ASPH: variants seen among roughly 807,000 people sequenced by gnomAD.
ASPH encodes aspartate beta-hydroxylase.
ASPH carries 100 observed loss-of-function variants against 118.4 expected under a neutral mutation model. The ratio of observed to expected loss-of-function variants is 0.84; its 90% CI spans 0.72 to 1.00. ASPH has a LOEUF of 1.00. Among genes scored for constraint, ASPH ranks in the 50% least tolerant of loss-of-function variants. The probability of loss-of-function intolerance (pLI) is 0.00; values close to 1 mark genes in which losing one functional copy is unlikely to be tolerated. For missense variants in ASPH, 920 were observed against 919.5 expected (o/e 1.00, Z -0.01); for synonymous variants, 315 against 325.6 (o/e 0.97, Z 0.35).
At chr8:61,528,598 T>A (rs751416513) in intron 21 of ASPH, among the ~76,000 whole-genome samples, 1 of 25,968 alleles carries the variant, frequency 3.9e-5, no homozygotes, top group Admixed American at 5.3e-4. Flanking sequence ...AAACAGCTGA[T>A]CTTTTGTTAC....
intron 13 of ASPH, among the ~76,000 whole-genome samples, chr8:61,622,659 T>C (rs913158641): frequency 1.3e-5 from 2 of 152,310 alleles, no homozygotes; most frequent in African/African-American, 4.8e-5. Context: ...CTAACCATCT[T>C]CCTGCCTGCT....
At chr8:61,675,500 C>T (rs1395048256) in intron 3 of ASPH, 2 of 981,726 alleles carry the variant, frequency 2.0e-6, no homozygotes, top group Non-Finnish European at 2.4e-6. Context: ...TTTAAAAGCA[C>T]CATTAACACA....
At chr8:61,569,079 T>C (rs768985726) in intron 16 of ASPH, among the ~76,000 whole-genome samples, 6 of 152,154 alleles carry the variant, frequency 3.9e-5, no homozygotes, top group Non-Finnish European at 8.8e-5. Context: ...AGTCCATCTG[T>C]GCTAACAGGA....
In ASPH at chr8:61,567,037, A is replaced by C; in HGVS notation, c.1300+131T>G. The C allele has an allele frequency of 2.6e-6, 3 of 1,134,186 alleles. No homozygotes were observed. Among genetic ancestry groups the C allele is most frequent in the Non-Finnish European group, 2.4e-6 (2 of 820,116 alleles). The allele number at this position is 1,134,186 out of a possible 1,614,324, so 70.3% of individuals were successfully genotyped here. On this transcript the variant is annotated intron_variant, in intron 17 of 24. Transcript: ENST00000379454. ...GAGATGGTGAGCCTAGGACAGACACATTACTTGAAATCAGTTGTAAAACTC... is the reference window on the plus strand; with the variant it reads ...GAGATGGTGAGCCTAGGACAGACACCTTACTTGAAATCAGTTGTAAAACTC...
At chr8:61,637,827 T>C (rs1858535336) in intron 12 of ASPH, 120 bp downstream of exon 12, 2 of 914,218 alleles carry the variant, frequency 2.2e-6, no homozygotes, top group Non-Finnish European at 3.3e-6. Flanking sequence ...TTCTTCCCTC[T>C]TGTACTCCTA....
chr8:61,549,847 T>C (rs1311183682), intron 20 of ASPH, among the ~76,000 whole-genome samples: 3 of 152,204 alleles, frequency 2.0e-5, no homozygotes, highest in Admixed American at 1.3e-4. Context: ...AAAGAAGTTA[T>C]TGTAGAAAAA....
In ASPH at chr8:61,643,955, C is replaced by G. The variant is rs1257775236; in HGVS notation, c.699G>C (p.Gln233His). Reference sequence around the variant, plus strand: ...TTAACATTTACAAACCTGGATTTTCCTGCTCAGACATCATCTCTTCCATAT... The same window carrying G: ...TTAACATTTACAAACCTGGATTTTCGTGCTCAGACATCATCTCTTCCATAT... Reference protein sequence around the residue: ...NQDMEEMMSEQENPDSSEPVV... With the variant: ...NQDMEEMMSEHENPDSSEPVV... Residue 233 changes from glutamine (Q) to histidine (H), a missense_variant, in exon 8 of 25, where the codon CAG becomes CAC. Gln to His is a conservative substitution (Grantham distance 24). Transcript: ENST00000379454. The G allele has an allele frequency of 1.2e-6, 2 of 1,611,508 alleles. No homozygotes were observed.
At chr8:61,625,801 A>C (rs1331309517) in intron 13 of ASPH, 7 of 986,588 alleles carry the variant, frequency 7.1e-6, no homozygotes, top group South Asian at 9.4e-5. Flanking sequence ...CGTTTTTAAG[A>C]GTGCTAACAC....
In ASPH at chr8:61,643,567, T is replaced by C. The variant is rs1441387009; in HGVS notation, c.710-134A>G. ...ATGTTTTCATTATCATTTAATAAAA[T>C]TTAAGCTGAATAACGTTCCACAATT... On this transcript the variant is annotated intron_variant, in intron 8 of 24. Transcript: ENST00000379454. 4 of 890,178 alleles carry C rather than the reference T, an allele frequency of 4.5e-6. No individual in the cohort carries two copies. The African/African-American group carries it at 6.8e-5, about 15-fold the overall frequency. 55.1% of individuals were successfully genotyped at this position (890,178 alleles called of 1,614,324 possible).
rs1805182625 is a variant in ASPH at position 61,502,923 on chromosome 8, CA to C, written c.*435del. On this transcript the variant is annotated 3_prime_UTR_variant, in exon 25 of 25. Coordinates refer to ENST00000379454, the MANE Select transcript of ASPH (RefSeq NM_004318.4). ...TTATACAGCTTGTCATTAAAATAAA[CA>C]AAAATGTAGTGGTACATGATGACAA... The C allele has an allele frequency of 6.6e-6, 1 of 152,660 alleles. No individual in the cohort carries two copies. The highest frequency in any genetic ancestry group is 2.1e-4 in the South Asian group (1 of 4,832). The allele number at this position is 152,660 out of a possible 1,614,324, so 9.5% of individuals were successfully genotyped here. A position where few individuals can be genotyped will look rare whatever the true frequency, so the allele number is the denominator to read the frequency against.
intron 1 of ASPH, among the ~76,000 whole-genome samples, chr8:61,703,596 C>CA (rs576327597): frequency 1.4e-4 from 21 of 149,620 alleles, no homozygotes; most frequent in Middle Eastern, 3.2e-3. Flanking sequence ...GCAAAATCTA[C>CA]AAAAAAAAAG....
At chr8:61,578,270 C>T (rs908015255) in intron 15 of ASPH, 4 of 1,587,294 alleles carry the variant, frequency 2.5e-6, no homozygotes, top group Admixed American at 3.5e-5. Flanking sequence ...CCTCTGGCCC[C>T]CGGGCCTTCA....
chr8:61,675,889 T>G (rs1825042404), intron 3 of ASPH: 1 of 1,392,426 alleles, frequency 7.2e-7, no homozygotes, highest in East Asian at 2.5e-5. Context: ...TCAATAGAAG[T>G]TGGGGGAGCT....
intron 13 of ASPH, chr8:61,633,426 C>T (rs2150784671): frequency 3.3e-6 from 1 of 299,542 alleles, no homozygotes; most frequent in Non-Finnish European, 6.2e-6. Context: ...ACTACTACCA[C>T]CATCTATAAT....
At chr8:61,676,319 C>A in intron 3 of ASPH, 1 of 1,579,130 alleles carries the variant, frequency 6.3e-7, no homozygotes, top group Non-Finnish European at 8.5e-7. Flanking sequence ...TTTGGTCAGG[C>A]CTACATAAGA....
At chr8:61,589,971 GGA>G (rs936277091) in intron 14 of ASPH, among the ~76,000 whole-genome samples, 38 of 152,114 alleles carry the variant, frequency 2.5e-4, no homozygotes, top group Non-Finnish European at 3.7e-4. Flanking sequence ...TCTGGCCAGA[GGA>G]GAGAGTATTT....
At chr8:61,668,324 G>A in intron 3 of ASPH, 7 of 1,477,250 alleles carry the variant, frequency 4.7e-6, no homozygotes, top group East Asian at 4.7e-5. Context: ...AAAATTTAAG[G>A]GAATTCAAAA....
chr8:61,651,251 C>T, intron 4 of ASPH, 127 bp from the exon 5 acceptor site: 1 of 665,594 alleles, frequency 1.5e-6, no homozygotes, highest in Non-Finnish European at 2.4e-6. Flanking sequence ...CTCTGCATGC[C>T]TTCTCTATCA....
chr8:61,602,656 T>C (rs1587944021), intron 14 of ASPH, among the ~76,000 whole-genome samples: 1 of 151,110 alleles, frequency 6.6e-6, no homozygotes, highest in South Asian at 2.1e-4. Flanking sequence ...AGTGGCTGCC[T>C]GGGGTTGGGG....
Sources: gnomAD v4.1 joint callset for allele counts (sites outside exome capture counted in the v4.1 genomes callset) on GRCh38, gnomAD v4.1.1 for gene constraint, MANE v1.5 for transcripts, NCBI Gene and HGNC (gene_info 2026-07-23, HGNC 2026-07-21) for gene names.